The following CDKN1B variants were observed in gnomAD, a reference collection of about 807,000 sequenced individuals.
CDKN1B encodes the protein cyclin dependent kinase inhibitor 1B, also known as cyclin-dependent kinase inhibitor 1B.
CDKN1B carries 7 observed loss-of-function variants against 17.1 expected under a neutral mutation model. The observed-to-expected ratio is 0.41, with a 90% confidence interval of 0.23 to 0.77. The LOEUF (loss-of-function observed/expected upper bound fraction) is 0.77. Among genes scored for constraint, CDKN1B ranks in the 30% least tolerant of loss-of-function variants. The pLI, the probability that CDKN1B is intolerant of heterozygous loss-of-function variation, is 0.33. For missense variants in CDKN1B, 337 were observed against 262.0 expected (o/e 1.29, Z -1.98); for synonymous variants, 149 against 104.3 (o/e 1.43, Z -2.61).
At position 12,718,322 on chromosome 12, in the gene CDKN1B, C is replaced by T. The variant is rs1363466500; in HGVS notation, c.475+8C>T. On this transcript the variant is annotated splice_region_variant and intron_variant, in intron 1 of 2. Coordinates refer to ENST00000228872, the MANE Select transcript of CDKN1B (RefSeq NM_004064.5). The stretch of plus-strand genomic sequence containing the variant: ...AGCGACCTGCAACCGACGGTAATGA[C>T]CCTTTCCCAACCATAGAATGTGTTT... 1.3e-6 allele frequency: 2 copies of T among 1,599,022 alleles called. No homozygotes were observed. The highest frequency in any genetic ancestry group is 1.7e-6 in the Non-Finnish European group (2 of 1,178,796).
chr12:12,717,726 A>G lies in CDKN1B; in HGVS notation c.-114A>G. The stretch of plus-strand genomic sequence containing the variant: ...TCGGGGTCTGTGTCTTTTGGCTCCG[A>G]GGGCAGTCGCTGGGCTTCCGAGAGG... On this transcript the variant is annotated 5_prime_UTR_variant, in exon 1 of 3. Coordinates refer to ENST00000228872, the MANE Select transcript of CDKN1B (RefSeq NM_004064.5). 1.9e-6 allele frequency: 3 copies of G among 1,573,116 alleles called. No homozygotes were observed. Among genetic ancestry groups the G allele is most frequent in the Non-Finnish European group, 2.6e-6 (3 of 1,168,886 alleles).
rs964300786 is a variant in CDKN1B at position 12,718,293 on chromosome 12, A to C, written c.454A>C (p.Arg152=). 1.9e-6 allele frequency: 3 copies of C among 1,581,800 alleles called. No homozygotes were observed. The Admixed American group carries it at 5.0e-5, about 26-fold the overall frequency. The part of the protein sequence containing the change: ...TGLAEQCAGI[R]KRPATDDSST... ...GTTAGCGGAGCAATGCGCAGGAATA[A>C]GGAAGCGACCTGCAACCGACGGTAA... The change falls in exon 1 of 3, where the codon AGG becomes CGG. Residue 152 remains arginine, a synonymous_variant. Coordinates refer to ENST00000228872, the MANE Select transcript of CDKN1B (RefSeq NM_004064.5).
chr12:12,717,730 C>G lies in CDKN1B; in HGVS notation c.-110C>G. ...GGTCTGTGTCTTTTGGCTCCGAGGG[C>G]AGTCGCTGGGCTTCCGAGAGGGGTT... is the stretch of plus-strand genomic sequence containing the variant. On this transcript the variant is annotated 5_prime_UTR_variant, in exon 1 of 3. Transcript: ENST00000228872. The G allele has an allele frequency of 6.3e-7, 1 of 1,576,402 alleles. No individual in the cohort carries two copies. The highest frequency in any genetic ancestry group is 8.5e-7 in the Non-Finnish European group (1 of 1,170,300).
rs558071459 is a variant in CDKN1B, at chr12:12,719,753, G to A, written c.*8+799G>A. Among the ~76,000 whole-genome samples the A allele has an allele frequency of 2.2e-4, 33 of 152,322 alleles. 1 individual carries two copies. The highest frequency in any genetic ancestry group is 2.1e-3 in the Admixed American group (32 of 15,302). Reference sequence around the variant, plus strand: ...GTAGTAAATATCAAGACTGGTGACCGTAGGTCAGCCCAGCACAAAGGAAGT... The same window carrying A: ...GTAGTAAATATCAAGACTGGTGACCATAGGTCAGCCCAGCACAAAGGAAGT... On this transcript the variant is annotated intron_variant, in intron 2 of 2. Coordinates refer to ENST00000228872, the MANE Select transcript of CDKN1B (RefSeq NM_004064.5).
chr12:12,719,042 A>C (rs1946515806), intron 2 of CDKN1B, 88 bp downstream of exon 2: 1 of 1,549,074 alleles, frequency 6.5e-7, no homozygotes. Context: ...GGCAAATTAA[A>C]AGCTTATGGG....
intron 2 of CDKN1B, among the ~76,000 whole-genome samples, chr12:12,720,141 T>C (rs1268715697): frequency 6.6e-6 from 1 of 152,212 alleles, no homozygotes; most frequent in Non-Finnish European, 1.5e-5. Flanking sequence ...CAGCACCATA[T>C]GAAGTGGGAA....
chr12:12,718,715 G>GGTGGA, intron 1 of CDKN1B, 110 bp from the exon 2 acceptor site: 1 of 1,230,412 alleles, frequency 8.1e-7, no homozygotes, highest in South Asian at 1.2e-5. Context: ...CAGGATTGTG[G>GGTGGA]GTGGAGGTAG....
chr12:12,720,505 AAAATT>A (rs1946531374), intron 2 of CDKN1B, among the ~76,000 whole-genome samples: 1 of 152,208 alleles, frequency 6.6e-6, no homozygotes, highest in African/African-American at 2.4e-5. Context: ...CAGGAGAAAA[AAAATT>A]AAAAATTTTC....
intron 2 of CDKN1B, among the ~76,000 whole-genome samples, chr12:12,720,076 T>C (rs1565420467): frequency 1.3e-5 from 2 of 152,202 alleles, no homozygotes; most frequent in Admixed American, 1.3e-4. Context: ...TATATGTGAC[T>C]TCACATATCT....
At chr12:12,720,286 G>A (rs1281913030) in intron 2 of CDKN1B, among the ~76,000 whole-genome samples, 1 of 152,156 alleles carries the variant, frequency 6.6e-6, no homozygotes, top group Non-Finnish European at 1.5e-5. Context: ...GACATGCAAT[G>A]AGGCATTTGT....
rs1431449120 is a variant in CDKN1B, at chr12:12,718,323, C to A, written c.475+9C>A. The A allele has an allele frequency of 1.4e-5, 22 of 1,598,308 alleles. No individual in the cohort carries two copies. The highest frequency in any genetic ancestry group is 1.9e-5 in the Non-Finnish European group (22 of 1,178,424). On this transcript the variant is annotated intron_variant, in intron 1 of 2. Coordinates refer to ENST00000228872, the MANE Select transcript of CDKN1B (RefSeq NM_004064.5). Reference sequence around the variant, plus strand: ...GCGACCTGCAACCGACGGTAATGACCCTTTCCCAACCATAGAATGTGTTTG... The same window carrying A: ...GCGACCTGCAACCGACGGTAATGACACTTTCCCAACCATAGAATGTGTTTG...
rs200108977 is a variant in CDKN1B at position 12,718,815 on chromosome 12, C to T, written c.476-10C>T. On this transcript the variant is annotated splice_polypyrimidine_tract_variant and intron_variant, in intron 1 of 2. Coordinates refer to ENST00000228872, the MANE Select transcript of CDKN1B (RefSeq NM_004064.5). The stretch of plus-strand genomic sequence containing the variant: ...TGTGTGTTCTTTTTAAAAATTTCCC[C>T]TGCGCTTAGATTCTTCTACTCAAAA... The T allele has an allele frequency of 6.8e-6, 11 of 1,614,002 alleles. No individual in the cohort carries two copies. Among genetic ancestry groups the T allele is most frequent in the African/African-American group, 5.3e-5 (4 of 74,992 alleles).
Position 12,721,305 on chromosome 12 carries a change from A to G in CDKN1B, c.*278A>G. ...TGTATATAGTTTTTACCTTTTATGTAGCACATAAACTTTGGGGAAGGGAGG... is the reference window on the plus strand; with the variant it reads ...TGTATATAGTTTTTACCTTTTATGTGGCACATAAACTTTGGGGAAGGGAGG... On this transcript the variant is annotated 3_prime_UTR_variant, in exon 3 of 3. Coordinates refer to ENST00000228872, the MANE Select transcript of CDKN1B (RefSeq NM_004064.5). The G allele has an allele frequency of 3.3e-6, 1 of 307,434 alleles. No homozygotes were observed. Among genetic ancestry groups the G allele is most frequent in the Non-Finnish European group, 6.5e-6 (1 of 154,456 alleles). The allele number at this position is 307,434 out of a possible 1,614,324, so 19.0% of individuals were successfully genotyped here.
intron 1 of CDKN1B, 131 bp from the exon 2 acceptor site, chr12:12,718,694 G>T: frequency 3.7e-6 from 4 of 1,069,886 alleles, no homozygotes; most frequent in Non-Finnish European, 5.7e-6. Context: ...AGCCACTGGG[G>T]ATGACGGATC....
rs1414334938 is a variant in CDKN1B at position 12,722,218 on chromosome 12, T to TG, written c.*1194dup. ...TTTTGTGCATTTGTAAATGCTGTGT[T>TG]GGGTAGAATAGGTTTTCCCCTCTTT... On this transcript the variant is annotated 3_prime_UTR_variant, in exon 3 of 3. Coordinates refer to ENST00000228872, the MANE Select transcript of CDKN1B (RefSeq NM_004064.5). 1 of 152,678 alleles carries TG rather than the reference T, an allele frequency of 6.5e-6. No individual in the cohort carries two copies. Among genetic ancestry groups the TG allele is most frequent in the Non-Finnish European group, 1.5e-5 (1 of 68,044 alleles). The allele number at this position is 152,678 out of a possible 1,614,324, so 9.5% of individuals were successfully genotyped here.
Position 12,721,094 on chromosome 12 carries a change from A to T in CDKN1B, c.*67A>T. On this transcript the variant is annotated 3_prime_UTR_variant, in exon 3 of 3. Coordinates refer to ENST00000228872, the MANE Select transcript of CDKN1B (RefSeq NM_004064.5). ...ATCACTGCTTGATGAAGCAAGGAAG[A>T]TATACATGAAAATTTTAAAAATACA... 1 of 771,894 alleles carries T rather than the reference A, an allele frequency of 1.3e-6. No homozygotes were observed. The highest frequency in any genetic ancestry group is 1.4e-5 in the South Asian group (1 of 72,802). The allele number at this position is 771,894 out of a possible 1,614,324, so 47.8% of individuals were successfully genotyped here.
At chr12:12,719,240 T>C (rs548526479) in intron 2 of CDKN1B, 10 of 416,764 alleles carry the variant, frequency 2.4e-5, no homozygotes, top group South Asian at 1.1e-4. Flanking sequence ...CTAAAACGTG[T>C]TGGGAGCAAT....
rs377573215 is a variant in CDKN1B at position 12,718,226 on chromosome 12, T to C, written c.387T>C (p.His129=). The C allele has an allele frequency of 7.0e-5, 113 of 1,612,656 alleles. No individual in the cohort carries two copies. The highest frequency in any genetic ancestry group is 9.2e-5 in the Non-Finnish European group (109 of 1,180,010). Residue 129 remains histidine (H), a synonymous_variant, in exon 1 of 3, where the codon CAT becomes CAC. Coordinates refer to ENST00000228872, the MANE Select transcript of CDKN1B (RefSeq NM_004064.5). ...IGAPANSEDT[H]LVDPKTDPSD... The stretch of plus-strand genomic sequence containing the variant: ...CTCCGGCTAACTCTGAGGACACGCA[T>C]TTGGTGGACCCAAAGACTGATCCGT...
In CDKN1B at chr12:12,718,042, A is replaced by G. The variant is rs971444878; in HGVS notation, c.203A>G (p.Lys68Arg). 13 of 1,614,122 alleles carry G rather than the reference A, an allele frequency of 8.1e-6. No homozygotes were observed. Among genetic ancestry groups the G allele is most frequent in the Non-Finnish European group, 1.0e-5 (12 of 1,180,054 alleles). Residue 68 changes from lysine (K) to arginine (R), a missense_variant, in exon 1 of 3, where the codon AAA (lysine) becomes AGA (arginine). Lys to Arg is a conservative substitution (Grantham distance 26, BLOSUM62 2). Transcript: ENST00000228872. ...TGGAATTTCGATTTTCAGAATCACAAACCCCTAGAGGGCAAGTACGAGTGG... is the reference window on the plus strand; with the variant it reads ...TGGAATTTCGATTTTCAGAATCACAGACCCCTAGAGGGCAAGTACGAGTGG... ...RKWNFDFQNH[K>R]PLEGKYEWQE...
Sources: allele counts gnomAD v4.1 joint callset (sites outside exome capture counted in the v4.1 genomes callset), GRCh38; gene constraint gnomAD v4.1.1; transcripts MANE v1.5; gene names NCBI Gene and HGNC (gene_info 2026-07-23, HGNC 2026-07-21).